The following CACNA2D1 variants were observed in gnomAD, a reference collection of about 807,000 sequenced individuals.
CACNA2D1 encodes the protein voltage-dependent calcium channel subunit alpha-2/delta-1.
Under a neutral mutation model 171.5 loss-of-function variants are expected in CACNA2D1, and 53 were observed. The ratio of observed to expected loss-of-function variants is 0.31; its 90% confidence interval spans 0.25 to 0.39. The LOEUF (loss-of-function observed/expected upper bound fraction) is 0.39. Among genes scored for constraint, CACNA2D1 ranks in the 10% least tolerant of loss-of-function variants. CACNA2D1 has a pLI of 1.00. For missense variants in CACNA2D1, 903 were observed against 1,299.8 expected, an observed-to-expected ratio of 0.69 and a Z score of 4.69; for synonymous variants, 442 against 443.1, an observed-to-expected ratio of 1.00 and a Z score of 0.03.
intron 5 of CACNA2D1, among the ~76,000 whole-genome samples, chr7:82,120,178 C>A (rs926119846): frequency 1.3e-5 from 2 of 152,090 alleles, no homozygotes; most frequent in African/African-American, 4.8e-5. Flanking sequence ...TGAGACTGTG[C>A]ACGCACGCAC....
At chr7:82,051,629 T>G (rs1398863404) in intron 10 of CACNA2D1, among the ~76,000 whole-genome samples, 1 of 152,182 alleles carries the variant, frequency 6.6e-6, no homozygotes, top group Non-Finnish European at 1.5e-5. Context: ...GACATGAAGA[T>G]CTCCTTTGGT....
Position 82,060,187 on chromosome 7 carries a change from A to G in CACNA2D1, c.879+241T>C, listed in dbSNP as rs912424295. ...TATAATATATATATATAATATATAT[A>G]TATTATATATATATTATATATATAA... On this transcript the variant is annotated intron_variant, in intron 10 of 38. Transcript: ENST00000356860. 1.5e-3 allele frequency among the ~76,000 whole-genome samples: 19 copies of G among 13,096 alleles called. 9 individuals carry two copies. In the East Asian group the frequency reaches 0.035, roughly 24 times the overall value. The allele number at this position is 13,096 out of a possible 152,430, so 8.6% of individuals were successfully genotyped here.
chr7:82,284,422 T>C (rs917266777), intron 3 of CACNA2D1, among the ~76,000 whole-genome samples: 4 of 152,174 alleles, frequency 2.6e-5, no homozygotes, highest in African/African-American at 7.2e-5. Context: ...CCTCTTGTTG[T>C]GAGGGTTAAT....
At chr7:81,962,301 T>G in intron 35 of CACNA2D1, 139 bp downstream of exon 35, 1 of 751,032 alleles carries the variant, frequency 1.3e-6, no homozygotes, top group Non-Finnish European at 2.3e-6. Flanking sequence ...GGACAAAAAG[T>G]TTCTAGCTCT....
chr7:82,061,941 C>G (rs561142245), intron 9 of CACNA2D1, among the ~76,000 whole-genome samples: 45 of 152,248 alleles, frequency 3.0e-4, no homozygotes, highest in South Asian at 6.2e-4. Flanking sequence ...AAAGCCCCAT[C>G]TGAGGTTCTA....
intron 3 of CACNA2D1, among the ~76,000 whole-genome samples, chr7:82,212,288 AAATG>A (rs1800638219): frequency 6.6e-6 from 1 of 152,142 alleles, no homozygotes; most frequent in Admixed American, 6.5e-5. Flanking sequence ...TTCAGACATA[AAATG>A]AATCATTTTT....
At chr7:82,331,036 G>A (rs56747246) in intron 3 of CACNA2D1, among the ~76,000 whole-genome samples, 249 of 152,172 alleles carry the variant, frequency 1.6e-3, no homozygotes, top group African/African-American at 5.8e-3. Context: ...TTTAACAAGA[G>A]CCACGGGTGA....
At chr7:82,398,309 G>T (rs2129451449) in intron 1 of CACNA2D1, among the ~76,000 whole-genome samples, 1 of 152,292 alleles carries the variant, frequency 6.6e-6, no homozygotes, top group East Asian at 1.9e-4. Flanking sequence ...TAATTTAACA[G>T]TCTTTGCCAC....
At chr7:82,097,309 T>G (rs555401399) in intron 6 of CACNA2D1, among the ~76,000 whole-genome samples, 299 of 152,246 alleles carry the variant, frequency 2.0e-3, no homozygotes, top group Non-Finnish European at 3.4e-3. Context: ...AGGGCCATAA[T>G]AAGCTGAAGT....
chr7:82,210,963 T>C (rs569551277), intron 3 of CACNA2D1, among the ~76,000 whole-genome samples: 73 of 152,220 alleles, frequency 4.8e-4, no homozygotes, highest in Non-Finnish European at 9.4e-4. Context: ...AGGTTTTTTA[T>C]GTGCTAGGCA....
chr7:82,176,215 A>G (rs913444042), intron 3 of CACNA2D1, among the ~76,000 whole-genome samples: 3 of 152,042 alleles, frequency 2.0e-5, no homozygotes, highest in African/African-American at 7.2e-5. Context: ...TGCTGATAGG[A>G]AGTCTTGAAG....
chr7:81,984,789 C>G (rs1176825892), intron 21 of CACNA2D1, 78 bp from the exon 22 acceptor site: 1 of 800,274 alleles, frequency 1.2e-6, no homozygotes, highest in Non-Finnish European at 2.1e-6. Context: ...ACATCAAGTT[C>G]ATGGGAAAAT....
intron 7 of CACNA2D1, among the ~76,000 whole-genome samples, chr7:82,084,179 C>T (rs1810156184): frequency 6.6e-6 from 1 of 152,046 alleles, no homozygotes; most frequent in African/African-American, 2.4e-5. Flanking sequence ...TTTTATAATA[C>T]ATATTTATAA....
intron 4 of CACNA2D1, among the ~76,000 whole-genome samples, chr7:82,143,451 T>C (rs950045241): frequency 2.0e-5 from 3 of 152,202 alleles, no homozygotes; most frequent in African/African-American, 7.2e-5. Context: ...ATACATGAAG[T>C]AAATTATAAT....
At chr7:82,296,906 G>C (rs1812351207) in intron 3 of CACNA2D1, among the ~76,000 whole-genome samples, 1 of 151,814 alleles carries the variant, frequency 6.6e-6, no homozygotes, top group Non-Finnish European at 1.5e-5. Context: ...CATTTTAAAT[G>C]TCAGGGTTTA....
At chr7:82,078,557 C>T (rs1334680689) in intron 7 of CACNA2D1, among the ~76,000 whole-genome samples, 1 of 152,100 alleles carries the variant, frequency 6.6e-6, no homozygotes, top group Non-Finnish European at 1.5e-5. Context: ...TTCCAATGAG[C>T]ACATATTCAA....
At chr7:82,171,243 G>A (rs559630778) in intron 3 of CACNA2D1, among the ~76,000 whole-genome samples, 48 of 152,096 alleles carry the variant, frequency 3.2e-4, no homozygotes, top group African/African-American at 1.1e-3. Context: ...TAGCACTTTC[G>A]AAATGCTATT....
At chr7:82,423,976 A>T (rs1357942400) in intron 1 of CACNA2D1, among the ~76,000 whole-genome samples, 1 of 152,154 alleles carries the variant, frequency 6.6e-6, no homozygotes, top group Non-Finnish European at 1.5e-5. Flanking sequence ...TATAATATGT[A>T]TATCTTTTTA....
rs985502088 is a variant in CACNA2D1, at chr7:82,049,561, C to T, written c.879+10867G>A. ...ATACTGATTTCCTCTTCTATAATGA[C>T]GCAAAGCCCGCCAGTTGTACACACA... On this transcript the variant is annotated intron_variant, in intron 10 of 38. Coordinates refer to ENST00000356860, the MANE Select transcript of CACNA2D1 (RefSeq NM_000722.4). 5.9e-5 allele frequency among the ~76,000 whole-genome samples: 9 copies of T among 152,234 alleles called. No homozygotes were observed. The South Asian group carries it at 8.3e-4, about 14-fold the overall frequency.
Sources: gnomAD v4.1 joint callset for allele counts (sites outside exome capture counted in the v4.1 genomes callset) on GRCh38, gnomAD v4.1.1 for gene constraint, MANE v1.5 for transcripts, NCBI Gene and HGNC (gene_info 2026-07-23, HGNC 2026-07-21) for gene names.